The following IL1RAPL1 variants were observed in gnomAD, a reference collection of about 807,000 sequenced individuals.
IL1RAPL1 encodes the protein interleukin 1 receptor accessory protein like 1.
A neutral mutation model predicts 48.4 loss-of-function variants in IL1RAPL1; 3 were observed. The observed-to-expected ratio is 0.06, with a 90% confidence interval of 0.03 to 0.16. The LOEUF is 0.16. Ranked by LOEUF, IL1RAPL1 falls within the 10% of genes least tolerant of loss-of-function variation. IL1RAPL1 has a pLI of 1.00. For synonymous variants in IL1RAPL1, 185 were observed against 187.7 expected (o/e 0.99, Z 0.12); for missense variants, 349 against 530.6 (o/e 0.66, Z 3.36).
At chrX:28,759,274 A>T (rs1201816953) in intron 1 of IL1RAPL1, among the ~76,000 whole-genome samples, 1 of 110,511 alleles carries the variant, frequency 9.0e-6, no homozygotes, top group Non-Finnish European at 1.9e-5. Context: ...CGTTGTCCTT[A>T]TCCAATAACG....
chrX:29,044,126 G>T (rs1340908038), intron 2 of IL1RAPL1, among the ~76,000 whole-genome samples: 2 of 111,652 alleles, frequency 1.8e-5, no homozygotes, highest in African/African-American at 6.5e-5. Context: ...TTCTGTTACA[G>T]AAATCATTTA....
At chrX:29,259,968 A>C (rs1217885193) in intron 2 of IL1RAPL1, among the ~76,000 whole-genome samples, 1 of 112,022 alleles carries the variant, frequency 8.9e-6, no homozygotes, top group African/African-American at 3.2e-5. Flanking sequence ...ACTCCAGAAG[A>C]CTGGAAACCA....
At chrX:29,596,245 C>T (rs147717235) in intron 5 of IL1RAPL1, among the ~76,000 whole-genome samples, 3,318 of 111,059 alleles carry the variant, frequency 0.03, 60 homozygotes, top group Non-Finnish European at 0.048. Flanking sequence ...AATTTTAGGA[C>T]GGCTTTTCTA....
At chrX:28,699,571 C>G (rs766550850) in intron 1 of IL1RAPL1, among the ~76,000 whole-genome samples, 14 of 112,229 alleles carry the variant, frequency 1.2e-4, no homozygotes, top group Non-Finnish European at 2.3e-4. Context: ...TGGATCGTCT[C>G]TCCTGTAGCA....
At chrX:29,647,450 C>G (rs750565412) in intron 5 of IL1RAPL1, among the ~76,000 whole-genome samples, 1,740 of 104,607 alleles carry the variant, frequency 0.017, 41 homozygotes, top group African/African-American at 0.061. Context: ...AAAATAATAA[C>G]TACACTAACT....
intron 1 of IL1RAPL1, among the ~76,000 whole-genome samples, chrX:28,644,146 A>G (rs2146900266): frequency 9.0e-6 from 1 of 111,447 alleles, no homozygotes; most frequent in South Asian, 3.8e-4. Flanking sequence ...ATACTCTTCT[A>G]GCTTCCAGAT....
intron 2 of IL1RAPL1, among the ~76,000 whole-genome samples, chrX:28,838,221 G>A (rs1245502259): frequency 9.0e-6 from 1 of 111,303 alleles, no homozygotes; most frequent in African/African-American, 3.3e-5. Flanking sequence ...CCCCTCATTT[G>A]AGAGTTCTAG....
At chrX:29,808,539 TC>T (rs1393868348) in intron 6 of IL1RAPL1, among the ~76,000 whole-genome samples, 1 of 111,584 alleles carries the variant, frequency 9.0e-6, no homozygotes, top group Non-Finnish European at 1.9e-5. Context: ...GTACATAAGA[TC>T]AAGTTTCTTC....
At chrX:29,333,061 C>A (rs1428181685) in intron 3 of IL1RAPL1, among the ~76,000 whole-genome samples, 24 of 112,340 alleles carry the variant, frequency 2.1e-4, no homozygotes, top group African/African-American at 7.7e-4. Flanking sequence ...CCACACAGAC[C>A]CGGCAACCAT....
At chrX:29,238,388 T>G (rs1931348215) in intron 2 of IL1RAPL1, among the ~76,000 whole-genome samples, 1 of 112,178 alleles carries the variant, frequency 8.9e-6, no homozygotes, top group Admixed American at 9.5e-5. Context: ...TCTTTAATCA[T>G]ATTATCCAGA....
chrX:28,655,303 TA>T (rs144862065), intron 1 of IL1RAPL1, among the ~76,000 whole-genome samples: 99 of 103,863 alleles, frequency 9.5e-4, no homozygotes, highest in Admixed American at 2.6e-3. Flanking sequence ...ACAAAAATGG[TA>T]AAAAAAAAAA....
intron 2 of IL1RAPL1, among the ~76,000 whole-genome samples, chrX:29,102,065 AC>A (rs1168189023): frequency 1.8e-5 from 2 of 112,268 alleles, no homozygotes; most frequent in Non-Finnish European, 3.8e-5. Flanking sequence ...AAGGAAAAAA[AC>A]ATAGGATCAT....
intron 5 of IL1RAPL1, among the ~76,000 whole-genome samples, chrX:29,586,603 G>A (rs1216642900): frequency 4.5e-5 from 5 of 111,270 alleles, no homozygotes; most frequent in Non-Finnish European, 9.4e-5. Context: ...GATATGAATT[G>A]CATTGAATCT....
Position 29,894,892 on chromosome X carries a change from G to T in IL1RAPL1, c.779-22572G>T, listed in dbSNP as rs377705831. Among the ~76,000 whole-genome samples the T allele has an allele frequency of 4.5e-4, 50 of 110,525 alleles. No homozygotes were observed. In the South Asian group the frequency reaches 0.019, roughly 41 times the overall value. ...CACCCAGGCTGGAGTGCAGTGGCAT[G>T]ATCTCAGCTCACTGCAACCTCTGCC... On this transcript the variant is annotated intron_variant, in intron 6 of 10. Transcript: ENST00000378993.
At position 29,008,201 on chromosome X, in the gene IL1RAPL1, A is replaced by G. The variant is rs1386794017; in HGVS notation, c.82+218776A>G. 4.7e-5 allele frequency among the ~76,000 whole-genome samples: 5 copies of G among 105,382 alleles called. No individual in the cohort carries two copies. In the East Asian group the frequency reaches 9.0e-4, roughly 19 times the overall value. The allele number at this position is 105,382 out of a possible 115,157, so 91.5% of individuals were successfully genotyped here. The stretch of plus-strand genomic sequence containing the variant: ...TTTTTTTTTATTGAGACGGAGTCTC[A>G]CTCTATCGCCCAGGCTGGAGTGCAG... On this transcript the variant is annotated intron_variant, in intron 2 of 10. Coordinates refer to ENST00000378993, the MANE Select transcript of IL1RAPL1 (RefSeq NM_014271.4).
chrX:28,634,565 C>T (rs904591029), intron 1 of IL1RAPL1, among the ~76,000 whole-genome samples: 1 of 109,565 alleles, frequency 9.1e-6, no homozygotes, highest in South Asian at 3.8e-4. Context: ...TTTTCCCCAA[C>T]TCCTGCCAGG....
At chrX:28,753,698 A>C (rs1246581675) in intron 1 of IL1RAPL1, among the ~76,000 whole-genome samples, 1 of 112,062 alleles carries the variant, frequency 8.9e-6, no homozygotes, top group Non-Finnish European at 1.9e-5. Flanking sequence ...GGTCTATTTT[A>C]CTCCCAGTAA....
chrX:29,854,147 T>C (rs1478923417), intron 6 of IL1RAPL1, among the ~76,000 whole-genome samples: 1 of 112,315 alleles, frequency 8.9e-6, no homozygotes, highest in Non-Finnish European at 1.9e-5. Flanking sequence ...GTGACAGCTG[T>C]CTTCTACTTA....
At chrX:29,156,180 T>C (rs1366074515) in intron 2 of IL1RAPL1, among the ~76,000 whole-genome samples, 1 of 111,616 alleles carries the variant, frequency 9.0e-6, no homozygotes, top group Non-Finnish European at 1.9e-5. Flanking sequence ...AACCCTGGTC[T>C]GTCTGACTCC....
Sources: gnomAD v4.1 joint callset for allele counts (sites outside exome capture counted in the v4.1 genomes callset) on GRCh38, gnomAD v4.1.1 for gene constraint, MANE v1.5 for transcripts, NCBI Gene and HGNC (gene_info 2026-07-23, HGNC 2026-07-21) for gene names.